Variants in LPAR1 observed in about 807,000 individuals in gnomAD.
LPAR1 encodes the protein LPA receptor 1.
In LPAR1, 5 loss-of-function variants were observed where a neutral mutation model predicts 23.8. The observed-to-expected ratio is 0.21, with a 90% confidence interval of 0.11 to 0.44. The LOEUF (loss-of-function observed/expected upper bound fraction) is 0.44, where lower values mean the gene tolerates loss of function less well. Among genes scored for constraint, LPAR1 ranks in the 20% least tolerant of loss-of-function variants. LPAR1 has a pLI of 0.99. For synonymous variants in LPAR1, 160 were observed against 164.7 expected (o/e 0.97, Z 0.22); for missense variants, 311 against 482.8 (o/e 0.64, Z 3.33).
At chr9:110,926,082 G>A (rs62573210) in intron 5 of LPAR1, among the ~76,000 whole-genome samples, 24,978 of 152,058 alleles carry the variant, frequency 0.16, 2,799 homozygotes, top group East Asian at 0.59. Context: ...CACTGCGCCC[G>A]GCTAATTTTT....
At chr9:110,957,426 T>C (rs1294903825) in intron 4 of LPAR1, among the ~76,000 whole-genome samples, 2 of 151,910 alleles carry the variant, frequency 1.3e-5, no homozygotes, top group Non-Finnish European at 2.9e-5. Context: ...GATGCAATGA[T>C]GGTTCAACAT....
At chr9:110,913,550 A>G (rs2092714155) in intron 5 of LPAR1, among the ~76,000 whole-genome samples, 1 of 131,844 alleles carries the variant, frequency 7.6e-6, no homozygotes. Context: ...GTTCATTTTA[A>G]TAAGTATATA....
At chr9:110,972,912 A>T (rs774024148) in intron 3 of LPAR1, among the ~76,000 whole-genome samples, 7 of 151,996 alleles carry the variant, frequency 4.6e-5, no homozygotes, top group Non-Finnish European at 1.0e-4. Context: ...GCACCACTGC[A>T]CTCCAGCCTG....
intron 5 of LPAR1, among the ~76,000 whole-genome samples, chr9:110,905,206 A>G (rs1366475665): frequency 6.6e-6 from 1 of 152,338 alleles, no homozygotes; most frequent in Middle Eastern, 3.4e-3. Context: ...CTTCTTCCTC[A>G]GTTTACCATG....
chr9:110,905,353 T>A (rs951531173), intron 5 of LPAR1, among the ~76,000 whole-genome samples: 32 of 151,668 alleles, frequency 2.1e-4, no homozygotes, highest in Admixed American at 1.0e-3. Context: ...TTTATTATTT[T>A]TTTTTTTTTG....
chr9:110,901,169 T>C (rs1231424405), intron 5 of LPAR1, among the ~76,000 whole-genome samples: 2 of 152,222 alleles, frequency 1.3e-5, no homozygotes, highest in African/African-American at 4.8e-5. Context: ...AAAGCTCATT[T>C]TTCCCAGCCT....
chr9:110,988,529 G>A (rs2096834861), intron 2 of LPAR1, among the ~76,000 whole-genome samples: 1 of 151,976 alleles, frequency 6.6e-6, no homozygotes, highest in African/African-American at 2.4e-5. Context: ...ACAGACAAAT[G>A]GCTAACAAGA....
intron 5 of LPAR1, among the ~76,000 whole-genome samples, chr9:110,926,091 T>C (rs2094006879): frequency 6.6e-6 from 1 of 152,142 alleles, no homozygotes; most frequent in African/African-American, 2.4e-5. Flanking sequence ...CGGCTAATTT[T>C]TTGTATTTTT....
intron 2 of LPAR1, among the ~76,000 whole-genome samples, chr9:111,025,487 T>G (rs2097672243): frequency 6.6e-6 from 1 of 152,224 alleles, no homozygotes; most frequent in South Asian, 2.1e-4. Flanking sequence ...TTTCTCCCAC[T>G]CTGTAGGTTG....
intron 4 of LPAR1, among the ~76,000 whole-genome samples, chr9:110,962,007 T>C (rs556123653): frequency 9.8e-5 from 15 of 152,338 alleles, no homozygotes; most frequent in African/African-American, 3.6e-4. Flanking sequence ...AACTGATGAC[T>C]ATAATCCTCA....
chr9:111,023,242 A>G (rs2141173988), intron 2 of LPAR1, among the ~76,000 whole-genome samples: 1 of 152,276 alleles, frequency 6.6e-6, no homozygotes, highest in Non-Finnish European at 1.5e-5. Flanking sequence ...AAAAAATGCC[A>G]ACTCATCAAA....
chr9:110,937,175 C>T (rs1158838387), intron 5 of LPAR1, among the ~76,000 whole-genome samples: 1 of 152,190 alleles, frequency 6.6e-6, no homozygotes, highest in African/African-American at 2.4e-5. Context: ...GAAAAGATTG[C>T]TCCCTTAAAA....
intron 2 of LPAR1, among the ~76,000 whole-genome samples, chr9:111,021,021 C>T (rs2141068564): frequency 6.6e-6 from 1 of 152,200 alleles, no homozygotes; most frequent in Non-Finnish European, 1.5e-5. Context: ...AGTGTAATAA[C>T]ATATTCACGT....
At chr9:111,022,312 C>T (rs919847592) in intron 2 of LPAR1, among the ~76,000 whole-genome samples, 5 of 152,124 alleles carry the variant, frequency 3.3e-5, no homozygotes, top group African/African-American at 1.2e-4. Flanking sequence ...GCTCCCAGGG[C>T]CTCAAAGGTT....
chr9:110,982,830 G>A (rs1181395092), intron 2 of LPAR1, among the ~76,000 whole-genome samples: 1 of 147,044 alleles, frequency 6.8e-6, no homozygotes, highest in Non-Finnish European at 1.5e-5. Context: ...AAAGACTTGA[G>A]TAGACACTTC....
chr9:110,971,999 A>C (rs2096440092), intron 4 of LPAR1, 74 bp downstream of exon 4: 2 of 1,259,070 alleles, frequency 1.6e-6, no homozygotes. Flanking sequence ...AGTCAAATAC[A>C]CTTCCTGAAA....
chr9:110,894,438 C>T (rs775121817), intron 5 of LPAR1, among the ~76,000 whole-genome samples: 5 of 152,174 alleles, frequency 3.3e-5, no homozygotes, highest in Non-Finnish European at 7.3e-5. Context: ...AAATGGAATA[C>T]GAAGCACAGG....
intron 2 of LPAR1, among the ~76,000 whole-genome samples, chr9:111,008,786 C>T (rs2097269491): frequency 6.6e-6 from 1 of 152,094 alleles, no homozygotes; most frequent in South Asian, 2.1e-4. Flanking sequence ...ACCCAAAAAC[C>T]TCAAGCTAAT....
intron 2 of LPAR1, among the ~76,000 whole-genome samples, chr9:110,979,955 C>T (rs2096634516): frequency 6.6e-6 from 1 of 152,032 alleles, no homozygotes; most frequent in Admixed American, 6.6e-5. Flanking sequence ...GAGTAAAAAG[C>T]ACATAGAAAA....
Sources: allele counts gnomAD v4.1 joint callset (sites outside exome capture counted in the v4.1 genomes callset), GRCh38; gene constraint gnomAD v4.1.1; transcripts MANE v1.5; gene names NCBI Gene and HGNC (gene_info 2026-07-23, HGNC 2026-07-21).